The following METTL2B variants were observed in gnomAD, a reference collection of about 807,000 sequenced individuals.
METTL2B encodes the protein tRNA N(3)-cytidine methyltransferase METTL2B.
Under a neutral mutation model 51.0 loss-of-function variants are expected in METTL2B, and 28 were observed. The ratio of observed to expected loss-of-function variants is 0.55; its 90% CI spans 0.41 to 0.75. The LOEUF (loss-of-function observed/expected upper bound fraction) is 0.75, where lower values mean the gene tolerates loss of function less well. Ranked by LOEUF, METTL2B falls within the 30% of genes least tolerant of loss-of-function variation. METTL2B has a pLI of 0.00. For synonymous variants in METTL2B, 128 were observed against 166.3 expected (o/e 0.77, Z 1.77); for missense variants, 313 against 460.7 (o/e 0.68, Z 2.93).
At chr7:128,499,974 C>T (rs1792999755) in intron 7 of METTL2B, among the ~76,000 whole-genome samples, 1 of 152,150 alleles carries the variant, frequency 6.6e-6, no homozygotes, top group South Asian at 2.1e-4. Flanking sequence ...CTGAGGTGGA[C>T]CCCATACCAC....
At chr7:128,493,487 C>T (rs1792872030) in intron 5 of METTL2B, among the ~76,000 whole-genome samples, 1 of 152,086 alleles carries the variant, frequency 6.6e-6, no homozygotes, top group Non-Finnish European at 1.5e-5. Context: ...GCTGGGATTA[C>T]AGGCATGAGC....
intron 2 of METTL2B, among the ~76,000 whole-genome samples, chr7:128,478,649 G>A (rs2116839191): frequency 1.7e-5 from 1 of 59,542 alleles, no homozygotes; most frequent in East Asian, 5.1e-4. Context: ...TGGATCACGA[G>A]GTCAGGAGAT....
At chr7:128,497,983 G>A (rs936976920) in intron 6 of METTL2B, 53 bp from the exon 7 acceptor site, 102 of 1,584,758 alleles carry the variant, frequency 6.4e-5, no homozygotes, top group Non-Finnish European at 8.4e-5. Flanking sequence ...CAGGGAAAGA[G>A]AACCCTGTCT....
chr7:128,477,931 A>C (rs926882176), intron 2 of METTL2B: 6 of 445,934 alleles, frequency 1.3e-5, no homozygotes, highest in Non-Finnish European at 2.7e-5. Context: ...CATGTGGTTC[A>C]ATATTCTCTT....
chr7:128,490,492 C>T (rs34742251), intron 5 of METTL2B, among the ~76,000 whole-genome samples: 23,673 of 151,966 alleles, frequency 0.16, 1,914 homozygotes, highest in East Asian at 0.25. Flanking sequence ...TCTAGACAAA[C>T]TCAAAGCAAT....
intron 5 of METTL2B, among the ~76,000 whole-genome samples, chr7:128,493,432 G>A (rs994513219): frequency 2.6e-5 from 4 of 152,060 alleles, no homozygotes; most frequent in South Asian, 2.1e-4. Flanking sequence ...GGCTGCTCTC[G>A]AACTCCTGAT....
chr7:128,483,276 A>G (rs1799894790), intron 4 of METTL2B: 1 of 152,228 alleles, frequency 6.6e-6, no homozygotes, highest in Admixed American at 6.5e-5. Flanking sequence ...TTGTTCATGT[A>G]ATTCACTGGC....
At position 128,500,867 on chromosome 7, in the gene METTL2B, T is replaced by C. The variant is rs140631875; in HGVS notation, c.917-36T>C. On this transcript the variant is annotated intron_variant, in intron 7 of 8. Transcript: ENST00000262432. ...AGCAGTGCAAGTCAAAGAGACACTT[T>C]AAAGTGTCTCTGATTTTTAATACAT... 1.5e-3 allele frequency: 2,343 copies of C among 1,612,808 alleles called. 31 individuals carry two copies. In the African/African-American group the frequency reaches 0.028, roughly 19 times the overall value.
chr7:128,498,082 G>A lies in METTL2B; in HGVS notation c.856G>A (p.Gly286Arg), dbSNP rs376427235. Residue 286 changes from glycine to arginine, a missense_variant, in exon 7 of 9, where the codon GGG (glycine) becomes AGG (arginine). Around this residue, in one of 4 missense-constraint regions of METTL2B, gnomAD observed 138 missense variants for 187.6 expected, o/e 0.74. Coordinates refer to ENST00000262432, the MANE Select transcript of METTL2B (RefSeq NM_018396.3). The stretch of plus-strand genomic sequence containing the variant: ...GCTGAGCAGGCTTCTGAAACCTGGG[G>A]GGATGGTACTTCTGCGAGATTACGG... ...NRLSRLLKPGGMVLLRDYGRY... is the reference protein window; with the variant it reads ...NRLSRLLKPGRMVLLRDYGRY... 19 of 1,613,876 alleles carry A rather than the reference G, an allele frequency of 1.2e-5. No individual in the cohort carries two copies. Among genetic ancestry groups the A allele is most frequent in the Middle Eastern group, 3.3e-4 (2 of 6,080 alleles).
At chr7:128,501,584 G>A (rs7785264) in intron 8 of METTL2B, 178 bp from the exon 9 acceptor site, 482,856 of 985,046 alleles carry the variant, frequency 0.49, 118,819 homozygotes, top group Middle Eastern at 0.56. Context: ...ATACACAGTG[G>A]CTTCCCCTAC....
chr7:128,486,367 A>C (rs1412132865), intron 4 of METTL2B, among the ~76,000 whole-genome samples: 3 of 152,166 alleles, frequency 2.0e-5, no homozygotes, highest in South Asian at 4.1e-4. Flanking sequence ...TGGGAAGCCA[A>C]GGTGGGCAGA....
At chr7:128,490,607 C>G (rs926166876) in intron 5 of METTL2B, among the ~76,000 whole-genome samples, 3 of 152,116 alleles carry the variant, frequency 2.0e-5, no homozygotes, top group Non-Finnish European at 4.4e-5. Context: ...TCTTTGCATA[C>G]CAGTTTTCTC....
chr7:128,478,363 G>T (rs1351613272), intron 2 of METTL2B, among the ~76,000 whole-genome samples: 1 of 150,960 alleles, frequency 6.6e-6, no homozygotes, highest in Non-Finnish European at 1.5e-5. Context: ...CGATTCCCCT[G>T]CCTCAGCCTC....
intron 4 of METTL2B, among the ~76,000 whole-genome samples, chr7:128,487,839 T>A (rs968099635): frequency 3.3e-5 from 5 of 152,036 alleles, no homozygotes; most frequent in Admixed American, 1.3e-4. Flanking sequence ...AGGATTTCTG[T>A]AGGTGGAAAA....
chr7:128,488,378 GCAACCC>G (rs1792758603), intron 5 of METTL2B: 1 of 762,220 alleles, frequency 1.3e-6, no homozygotes, highest in African/African-American at 1.7e-5. Context: ...AAAGTCTGTG[GCAACCC>G]TGCATCAAGC....
chr7:128,485,215 G>A (rs1792676312), intron 4 of METTL2B, among the ~76,000 whole-genome samples: 2 of 152,130 alleles, frequency 1.3e-5, no homozygotes, highest in Admixed American at 1.3e-4. Context: ...TGCATCCGAG[G>A]ATTCAAGCAA....
chr7:128,500,285 T>C (rs1456194931), intron 7 of METTL2B, among the ~76,000 whole-genome samples: 2 of 152,172 alleles, frequency 1.3e-5, no homozygotes, highest in Non-Finnish European at 2.9e-5. Context: ...ATGGTAATGG[T>C]TGTCTCAAGT....
chr7:128,503,673 A>T lies in METTL2B; in HGVS notation c.*1757A>T, dbSNP rs1258647881. The T allele has an allele frequency of 3.9e-5, 6 of 152,022 alleles. No individual in the cohort carries two copies. The highest frequency in any genetic ancestry group is 7.4e-5 in the Non-Finnish European group (5 of 68,018). 9.4% of individuals were successfully genotyped at this position (152,022 alleles called of 1,614,324 possible). ...TACATATTTCTGTCTTGATCCATGCAGTTATAGGATATATCCTTAATTTTA... is the reference window on the plus strand; with the variant it reads ...TACATATTTCTGTCTTGATCCATGCTGTTATAGGATATATCCTTAATTTTA... On this transcript the variant is annotated 3_prime_UTR_variant, in exon 9 of 9. Coordinates refer to ENST00000262432, the MANE Select transcript of METTL2B (RefSeq NM_018396.3).
chr7:128,487,565 T>C (rs1184624057), intron 4 of METTL2B, among the ~76,000 whole-genome samples: 1 of 152,152 alleles, frequency 6.6e-6, no homozygotes, highest in Non-Finnish European at 1.5e-5. Context: ...CCAAGAAAAA[T>C]AAGCACAGGG....
Sources: gnomAD v4.1 joint callset for allele counts (sites outside exome capture counted in the v4.1 genomes callset) on GRCh38, gnomAD v4.1.1 for gene constraint, gnomAD v4.1.1 regional missense constraint, MANE v1.5 for transcripts, NCBI Gene and HGNC (gene_info 2026-07-23, HGNC 2026-07-21) for gene names.